The following KLHDC4 variants were observed in gnomAD, a reference collection of about 807,000 sequenced individuals.
The protein encoded by KLHDC4 is kelch domain-containing protein 4.
KLHDC4 carries 90 observed loss-of-function variants against 62.4 expected under a neutral mutation model. The ratio of observed to expected loss-of-function variants is 1.44; its 90% CI spans 1.22 to 1.72. The LOEUF (loss-of-function observed/expected upper bound fraction) is 1.72. Ranked by LOEUF, KLHDC4 falls within the 40% of genes most tolerant of loss-of-function variation. KLHDC4 has a pLI of 0.00. For missense variants in KLHDC4, 1,025 were observed against 699.7 expected (o/e 1.47, Z -5.25); for synonymous variants, 386 against 284.4 (o/e 1.36, Z -3.59).
intron 2 of KLHDC4, 134 bp from the exon 3 acceptor site, chr16:87,756,611 G>C: frequency 1.6e-6 from 1 of 633,644 alleles, no homozygotes; most frequent in Non-Finnish European, 2.8e-6. Flanking sequence ...GCCTGGCATC[G>C]AGAAAGGAAG....
At chr16:87,754,381 C>A (rs2044520213) in intron 4 of KLHDC4, among the ~76,000 whole-genome samples, 1 of 152,210 alleles carries the variant, frequency 6.6e-6, no homozygotes, top group Non-Finnish European at 1.5e-5. Flanking sequence ...GTATACAAAT[C>A]TGATTTTTAA....
At chr16:87,715,241 ATT>A (rs78782652) in intron 7 of KLHDC4, among the ~76,000 whole-genome samples, 8,412 of 152,160 alleles carry the variant, frequency 0.055, 303 homozygotes, top group South Asian at 0.17. Flanking sequence ...TCATCTTTGT[ATT>A]TGTTTGCACT....
At chr16:87,705,969 T>G (rs2034623953), downstream of KLHDC4, among the ~76,000 whole-genome samples, 1 of 150,612 alleles carries the variant, frequency 6.6e-6, no homozygotes, top group Non-Finnish European at 1.5e-5. Context: ...TGCAGCCCTG[T>G]GCGGGGTCGG....
chr16:87,726,011 G>C (rs998228026), intron 7 of KLHDC4, among the ~76,000 whole-genome samples: 1 of 152,108 alleles, frequency 6.6e-6, no homozygotes, highest in African/African-American at 2.4e-5. Flanking sequence ...GAACAGAACA[G>C]GGCCCTAACA....
chr16:87,761,285 G>A (rs1221888148), intron 2 of KLHDC4, among the ~76,000 whole-genome samples: 1 of 152,126 alleles, frequency 6.6e-6, no homozygotes, highest in Admixed American at 6.6e-5. Context: ...GGGCACCAGA[G>A]CCATCACATG....
At chr16:87,714,652 T>C (rs2036579643) in intron 7 of KLHDC4, 79 bp from the exon 8 acceptor site, 1 of 1,484,824 alleles carries the variant, frequency 6.7e-7, no homozygotes, top group East Asian at 2.3e-5. Flanking sequence ...TGTGGGCGCA[T>C]TTTGGATGGA....
At chr16:87,746,303 AAGAG>A (rs956177455) in intron 5 of KLHDC4, among the ~76,000 whole-genome samples, 1 of 151,694 alleles carries the variant, frequency 6.6e-6, no homozygotes, top group African/African-American at 2.4e-5. Flanking sequence ...AGGAAGGAGA[AAGAG>A]AGAGAGAGAA....
chr16:87,702,669 G>C, upstream of KLHDC4: 1 of 218,260 alleles, frequency 4.6e-6, no homozygotes, highest in South Asian at 7.4e-5. Context: ...TCTGCTCAGG[G>C]GAGCCACGCG....
rs2040166360 is a variant in KLHDC4, at chr16:87,730,549, A to T, written c.599+3T>A. On this transcript the variant is annotated splice_donor_region_variant and intron_variant, in intron 6 of 11. Coordinates refer to ENST00000270583, the MANE Select transcript of KLHDC4 (RefSeq NM_017566.4). ...GAAAGATTTTTCCGTTCTTGGTACC[A>T]ACCGTGTACTTTCATGGAAGCCACC... The T allele has an allele frequency of 1.5e-5, 24 of 1,606,042 alleles. No individual in the cohort carries two copies. Among genetic ancestry groups the T allele is most frequent in the Non-Finnish European group, 2.0e-5 (24 of 1,177,522 alleles).
intron 5 of KLHDC4, among the ~76,000 whole-genome samples, chr16:87,733,093 G>A (rs962901823): frequency 8.2e-5 from 12 of 146,858 alleles, no homozygotes; most frequent in South Asian, 2.2e-4. Flanking sequence ...AAAGGCAGGT[G>A]CAAAGCAAAT....
At chr16:87,700,944 GC>G in exon 1 of KLHDC4, 1 of 243,364 alleles carries the variant, frequency 4.1e-6, no homozygotes, top group Non-Finnish European at 8.2e-6. Context: ...GGCTTCTCTC[GC>G]GCCCAGGCCG....
chr16:87,727,703 G>C (rs1479015044), intron 6 of KLHDC4, among the ~76,000 whole-genome samples: 1 of 152,226 alleles, frequency 6.6e-6, no homozygotes, highest in African/African-American at 2.4e-5. Flanking sequence ...CAATTATCGT[G>C]AAAGCGTAAG....
At chr16:87,722,249 A>C (rs2038520584) in intron 7 of KLHDC4, among the ~76,000 whole-genome samples, 1 of 152,194 alleles carries the variant, frequency 6.6e-6, no homozygotes, top group African/African-American at 2.4e-5. Context: ...TACTGACCAA[A>C]GCTGCCGGTT....
At chr16:87,738,715 C>T in intron 5 of KLHDC4, among the ~76,000 whole-genome samples, 1 of 114,044 alleles carries the variant, frequency 8.8e-6, no homozygotes. Flanking sequence ...CCTCATCCAC[C>T]CACACACCAG....
rs1398474330 is a variant in KLHDC4 at position 87,756,484 on chromosome 16, G to C, written c.192-7C>G. ...CGAGAGGGAGGCATTTAACCTACAA[G>C]ACACACAAGCGGCAGGTCAGCAAGA... On this transcript the variant is annotated splice_region_variant and splice_polypyrimidine_tract_variant and intron_variant, in intron 2 of 11. Coordinates refer to ENST00000270583, the MANE Select transcript of KLHDC4 (RefSeq NM_017566.4). The C allele has an allele frequency of 5.0e-6, 8 of 1,611,428 alleles. No individual in the cohort carries two copies. In the South Asian group the frequency reaches 8.8e-5, roughly 18 times the overall value.
chr16:87,737,445 G>A (rs868178239), intron 5 of KLHDC4, among the ~76,000 whole-genome samples: 1 of 150,934 alleles, frequency 6.6e-6, no homozygotes, highest in South Asian at 2.1e-4. Flanking sequence ...AAAATTAGCC[G>A]AGCGTGGTGG....
At chr16:87,765,062 T>C (rs1400052384) in intron 1 of KLHDC4, 3 of 454,282 alleles carry the variant, frequency 6.6e-6, no homozygotes, top group South Asian at 4.7e-5. Context: ...GCTACGGAAC[T>C]GACCTGCTCG....
chr16:87,726,788 C>T lies in KLHDC4; in HGVS notation c.736G>A (p.Val246Ile). 1.3e-6 allele frequency: 2 copies of T among 1,597,640 alleles called. No individual in the cohort carries two copies. The highest frequency in any genetic ancestry group is 1.7e-6 in the Non-Finnish European group (2 of 1,173,624). The stretch of plus-strand genomic sequence containing the variant: ...ACCTGTTTCGAGTAGCCCCCATAGA[C>T]GACGATGCCGCCCTGGGGAGTGACG... ...MSVTPQGGIV[V>I]YGGYSKQRVK... Residue 246 changes from valine (V) to isoleucine (I), a missense_variant, in exon 7 of 12, where the codon GTC becomes ATC. Physicochemically the swap from Val to Ile is conservative, Grantham distance 29. Transcript: ENST00000270583.
chr16:87,709,834 C>T (rs2035423418), intron 9 of KLHDC4, 167 bp from the exon 10 acceptor site: 1 of 760,810 alleles, frequency 1.3e-6, no homozygotes, highest in African/African-American at 1.8e-5. Context: ...AGGCACTGGG[C>T]TGCAGGAGCA....
Sources: gnomAD v4.1 joint callset for allele counts (sites outside exome capture counted in the v4.1 genomes callset) on GRCh38, gnomAD v4.1.1 for gene constraint, MANE v1.5 for transcripts, NCBI Gene and HGNC (gene_info 2026-07-23, HGNC 2026-07-21) for gene names.